The following C1GALT1 variants were observed in gnomAD, a reference collection of about 807,000 sequenced individuals.
The protein encoded by C1GALT1 is glycoprotein-N-acetylgalactosamine 3-beta-galactosyltransferase 1.
C1GALT1 carries 11 observed loss-of-function variants against 31.0 expected under a neutral mutation model. The observed-to-expected ratio is 0.36, with a 90% CI of 0.22 to 0.59. The LOEUF (loss-of-function observed/expected upper bound fraction) is 0.59, where lower values mean the gene tolerates loss of function less well. Among genes scored for constraint, C1GALT1 ranks in the 20% least tolerant of loss-of-function variants. The pLI is 0.79. For missense variants in C1GALT1, 424 were observed against 425.2 expected (o/e 1.00, Z 0.03); for synonymous variants, 175 against 143.6 (o/e 1.22, Z -1.56).
At chr7:7,180,642 A>T (rs1780560948), upstream of C1GALT1, among the ~76,000 whole-genome samples, 1 of 152,228 alleles carries the variant, frequency 6.6e-6, no homozygotes, top group African/African-American at 2.4e-5. Context: ...TTATCTCTAT[A>T]TTATGGTATT....
At chr7:7,161,154 C>T (rs1429285948) in intron 2 of C1GALT1, among the ~76,000 whole-genome samples, 1 of 152,104 alleles carries the variant, frequency 6.6e-6, no homozygotes, top group Non-Finnish European at 1.5e-5. Flanking sequence ...AACTACTTGT[C>T]AAGAGGACTT....
At chr7:7,216,884 T>TAG (rs939585290) in intron 1 of C1GALT1, among the ~76,000 whole-genome samples, 2 of 152,026 alleles carry the variant, frequency 1.3e-5, no homozygotes, top group Admixed American at 6.5e-5. Context: ...AGAGAAACCA[T>TAG]AGAGAGAGAG....
rs982441813 is a variant in C1GALT1 at position 7,234,668 on chromosome 7, C to G, written c.220+129C>G. 5.9e-6 allele frequency: 4 copies of G among 679,834 alleles called. No individual in the cohort carries two copies. In the African/African-American group the frequency reaches 7.3e-5, roughly 12 times the overall value. The allele number at this position is 679,834 out of a possible 1,614,324, so 42.1% of individuals were successfully genotyped here. ...ATATTAAAAATAATTCTTGGTTTGC[C>G]TCAAGAGAAGGGAATTGCTAAAACT... On this transcript the variant is annotated intron_variant, in intron 2 of 3. Transcript: ENST00000436587.
At chr7:7,228,202 G>C (rs1562589758) in intron 1 of C1GALT1, among the ~76,000 whole-genome samples, 1 of 152,060 alleles carries the variant, frequency 6.6e-6, no homozygotes, top group East Asian at 1.9e-4. Flanking sequence ...GTTGTTTCTG[G>C]GTAGTAGGAC....
At chr7:7,224,612 A>G (rs1284683106) in intron 1 of C1GALT1, among the ~76,000 whole-genome samples, 1 of 152,012 alleles carries the variant, frequency 6.6e-6, no homozygotes, top group African/African-American at 2.4e-5. Flanking sequence ...TAACTTGTCA[A>G]ATTTATACGT....
chr7:7,185,780 A>C (rs897720634), intron 1 of C1GALT1, among the ~76,000 whole-genome samples: 3 of 152,168 alleles, frequency 2.0e-5, no homozygotes, highest in Admixed American at 2.0e-4. Flanking sequence ...TAGGACTTCA[A>C]CCTATCTTTT....
At chr7:7,202,709 C>A (rs572950307) in intron 1 of C1GALT1, among the ~76,000 whole-genome samples, 1 of 152,150 alleles carries the variant, frequency 6.6e-6, no homozygotes, top group South Asian at 2.1e-4. Flanking sequence ...TATTCAGGGT[C>A]CCTTAATATT....
At chr7:7,215,728 T>C (rs1226438839) in intron 1 of C1GALT1, among the ~76,000 whole-genome samples, 3 of 152,130 alleles carry the variant, frequency 2.0e-5, no homozygotes, top group African/African-American at 4.8e-5. Context: ...ATATTGCTTA[T>C]CTCCAAAATT....
At chr7:7,230,382 A>G (rs767475409) in intron 1 of C1GALT1, among the ~76,000 whole-genome samples, 8 of 152,076 alleles carry the variant, frequency 5.3e-5, no homozygotes, top group Non-Finnish European at 7.4e-5. Context: ...CTTTCCTTTA[A>G]TTACTGTTTG....
intron 1 of C1GALT1, among the ~76,000 whole-genome samples, chr7:7,214,762 G>A (rs1583793103): frequency 6.6e-6 from 1 of 152,148 alleles, no homozygotes; most frequent in African/African-American, 2.4e-5. Flanking sequence ...ACAAACTTTC[G>A]GAGAAGCCGG....
chr7:7,187,017 A>G (rs1260860472), intron 1 of C1GALT1, among the ~76,000 whole-genome samples: 1 of 152,214 alleles, frequency 6.6e-6, no homozygotes, highest in Non-Finnish European at 1.5e-5. Context: ...AAATGGGCCA[A>G]AGAAGCAAAG....
intron 1 of C1GALT1, among the ~76,000 whole-genome samples, chr7:7,193,650 G>C (rs990160807): frequency 1.3e-5 from 2 of 151,932 alleles, no homozygotes; most frequent in African/African-American, 4.8e-5. Flanking sequence ...TCTTGATTTG[G>C]CTATGTGTGT....
chr7:7,202,127 A>G (rs537628956), intron 1 of C1GALT1, among the ~76,000 whole-genome samples: 1 of 152,196 alleles, frequency 6.6e-6, no homozygotes. Flanking sequence ...TGGGATCCCC[A>G]GTGAGGATGT....
rs1781730166 is a variant in C1GALT1, at chr7:7,206,182, T to G, written c.-18+23362T>G. Reference sequence around the variant, plus strand: ...TTTATACATTGTGTGTCAAAAAATATAAACTAATTTTTTAATGTGTTAGTC... The same window carrying G: ...TTTATACATTGTGTGTCAAAAAATAGAAACTAATTTTTTAATGTGTTAGTC... On this transcript the variant is annotated intron_variant, in intron 1 of 3. Transcript: ENST00000436587. Among the ~76,000 whole-genome samples the G allele has an allele frequency of 2.0e-5, 3 of 150,724 alleles. No individual in the cohort carries two copies. In the Admixed American group the frequency reaches 2.0e-4, roughly 10 times the overall value.
Position 7,238,298 on chromosome 7 carries a change from A to T in C1GALT1, c.264A>T (p.Arg88Ser). The change falls in exon 3 of 4, where the codon AGA becomes AGT. Residue 88 changes from arginine (R) to serine (S), a missense_variant. By Grantham distance (110) the Arg-to-Ser change is moderately radical (BLOSUM62 -1). Around this residue, in one of 3 missense-constraint regions of C1GALT1, gnomAD observed 189 missense variants for 158.2 expected, o/e 1.19. Coordinates refer to ENST00000436587, the MANE Select transcript of C1GALT1 (RefSeq NM_020156.5). This position sits in a 1 kb window ranked among gnomAD's most constrained non-coding sequence, Gnocchi z 5.2. ...CTGAAAACCTCTATCAGAAAGTTAGAATTCTTTGCTGGGTTATGACCGGCC... is the reference window on the plus strand; with the variant it reads ...CTGAAAACCTCTATCAGAAAGTTAGTATTCTTTGCTGGGTTATGACCGGCC... ...DIAENLYQKV[R>S]ILCWVMTGPQ... The T allele has an allele frequency of 6.2e-7, 1 of 1,609,764 alleles. No homozygotes were observed. Among genetic ancestry groups the T allele is most frequent in the South Asian group, 1.1e-5 (1 of 89,960 alleles).
chr7:7,189,481 A>G (rs576032573), intron 1 of C1GALT1, among the ~76,000 whole-genome samples: 1 of 150,612 alleles, frequency 6.6e-6, no homozygotes, highest in East Asian at 2.0e-4. Flanking sequence ...TAAAAATAAT[A>G]TCTCTTCATT....
At chr7:7,202,052 C>T (rs1274761735) in intron 1 of C1GALT1, among the ~76,000 whole-genome samples, 6 of 152,216 alleles carry the variant, frequency 3.9e-5, no homozygotes, top group African/African-American at 1.4e-4. Flanking sequence ...CTATATTTCT[C>T]ACAGCTCTCT....
chr7:7,233,248 G>C (rs1326349478), intron 1 of C1GALT1, among the ~76,000 whole-genome samples: 1 of 152,032 alleles, frequency 6.6e-6, no homozygotes, highest in Non-Finnish European at 1.5e-5. Flanking sequence ...TTGCAGTATA[G>C]AGCAGAGGTC....
intron 1 of C1GALT1, among the ~76,000 whole-genome samples, chr7:7,196,268 G>A (rs905898012): frequency 4.5e-5 from 6 of 134,602 alleles, no homozygotes; most frequent in African/African-American, 1.1e-4. Flanking sequence ...CTGTGTCCAC[G>A]TGTTCTCATT....
Sources: gnomAD v4.1 joint callset for allele counts (sites outside exome capture counted in the v4.1 genomes callset) on GRCh38, gnomAD v4.1.1 for gene constraint, gnomAD v4.1.1 regional missense constraint, Gnocchi (gnomAD v3.1) non-coding constraint, MANE v1.5 for transcripts, NCBI Gene and HGNC (gene_info 2026-07-23, HGNC 2026-07-21) for gene names.